The following PTPRK variants were observed in gnomAD, a reference collection of about 807,000 sequenced individuals.
The protein encoded by PTPRK is receptor-type tyrosine-protein phosphatase kappa.
In PTPRK, 75 loss-of-function variants were observed where a neutral mutation model predicts 178.0. The ratio of observed to expected loss-of-function variants is 0.42; its 90% CI spans 0.35 to 0.51. The LOEUF is 0.51. Among genes scored for constraint, PTPRK ranks in the 20% least tolerant of loss-of-function variants. PTPRK has a pLI of 0.02. For missense variants in PTPRK, 1,441 were observed against 1,797.8 expected, an observed-to-expected ratio of 0.80 and a Z score of 3.59; for synonymous variants, 637 against 620.6, an observed-to-expected ratio of 1.03 and a Z score of -0.39.
chr6:128,309,791 G>A (rs577328812), intron 3 of PTPRK, among the ~76,000 whole-genome samples: 4 of 149,360 alleles, frequency 2.7e-5, no homozygotes, highest in South Asian at 4.2e-4. Context: ...TCCTTCTCAT[G>A]GCTAATAAAT....
chr6:128,144,053 C>A (rs974375736), intron 7 of PTPRK, among the ~76,000 whole-genome samples: 14 of 152,180 alleles, frequency 9.2e-5, no homozygotes, highest in Admixed American at 8.5e-4. Context: ...CTTTTAGCAG[C>A]CCAGCTTGAT....
At chr6:128,262,557 C>T (rs1381770814) in intron 3 of PTPRK, among the ~76,000 whole-genome samples, 1 of 151,982 alleles carries the variant, frequency 6.6e-6, no homozygotes, top group Non-Finnish European at 1.5e-5. Context: ...AAACTAGACC[C>T]AACTACAGAG....
chr6:128,090,982 T>C (rs1786825450), intron 7 of PTPRK, among the ~76,000 whole-genome samples: 1 of 152,222 alleles, frequency 6.6e-6, no homozygotes, highest in African/African-American at 2.4e-5. Context: ...AAAGTCTGAC[T>C]TGGGGGCTTT....
At chr6:128,419,606 C>T (rs1299812757) in intron 1 of PTPRK, among the ~76,000 whole-genome samples, 1 of 145,662 alleles carries the variant, frequency 6.9e-6, no homozygotes, top group East Asian at 2.0e-4. Context: ...AGCGAGACTC[C>T]GTCTCAAAAA....
rs190068737 is a variant in PTPRK at position 128,493,487 on chromosome 6, G to A, written c.100+26772C>T. On this transcript the variant is annotated intron_variant, in intron 1 of 29. Transcript: ENST00000368226. ...TGAGGCAGGAGAATGGCGTGAACCC[G>A]GGAGGCAGAGCTTGCAGTGAGCCGA... Among the ~76,000 whole-genome samples, 152 of 151,670 alleles carry A rather than the reference G, an allele frequency of 1.0e-3. 1 individual carries two copies. Among genetic ancestry groups the A allele is most frequent in the Middle Eastern group, 3.4e-3 (1 of 294 alleles).
At chr6:127,994,621 T>C (rs977341822) in intron 18 of PTPRK, among the ~76,000 whole-genome samples, 4 of 151,834 alleles carry the variant, frequency 2.6e-5, no homozygotes, top group African/African-American at 9.7e-5. Flanking sequence ...TATATTGCCC[T>C]TTAAGAATAT....
At chr6:128,203,185 T>A (rs1229171392) in intron 6 of PTPRK, among the ~76,000 whole-genome samples, 1 of 152,150 alleles carries the variant, frequency 6.6e-6, no homozygotes, top group Non-Finnish European at 1.5e-5. Context: ...CACATGATTA[T>A]CGCAATAGAT....
At position 128,005,254 on chromosome 6, in the gene PTPRK, C is replaced by T; in HGVS notation, c.2334-10G>A. 1 of 1,610,454 alleles carries T rather than the reference C, an allele frequency of 6.2e-7. No individual in the cohort carries two copies. Among genetic ancestry groups the T allele is most frequent in the South Asian group, 1.1e-5 (1 of 90,912 alleles). On this transcript the variant is annotated splice_polypyrimidine_tract_variant and intron_variant, in intron 14 of 29. Transcript: ENST00000368226. The stretch of plus-strand genomic sequence containing the variant: ...TTTTTTAGCAAGTTTGCTGCCAAGG[C>T]AAATACAAAAGGGCATCCTTAGTGT...
intron 6 of PTPRK, among the ~76,000 whole-genome samples, chr6:128,217,499 T>C (rs1562808865): frequency 2.6e-5 from 4 of 152,200 alleles, no homozygotes; most frequent in Admixed American, 1.3e-4. Context: ...CTATTCTGGC[T>C]GTCAATCATT....
intron 7 of PTPRK, among the ~76,000 whole-genome samples, chr6:128,114,104 G>A (rs1326921691): frequency 2.0e-5 from 3 of 152,034 alleles, no homozygotes; most frequent in Admixed American, 2.0e-4. Flanking sequence ...TTTGTGGGGT[G>A]TATTCCAGAT....
At chr6:128,319,329 G>A (rs925519586) in intron 3 of PTPRK, among the ~76,000 whole-genome samples, 1 of 151,998 alleles carries the variant, frequency 6.6e-6, no homozygotes, top group East Asian at 1.9e-4. Flanking sequence ...TTCCCATCTG[G>A]ACTAGCCTCC....
At chr6:128,300,868 T>C (rs191218015) in intron 3 of PTPRK, among the ~76,000 whole-genome samples, 1 of 152,016 alleles carries the variant, frequency 6.6e-6, no homozygotes, top group African/African-American at 2.4e-5. Context: ...AATAATAAAA[T>C]AAAATTTAAA....
At chr6:128,142,071 C>T (rs1795848289) in intron 7 of PTPRK, among the ~76,000 whole-genome samples, 1 of 151,838 alleles carries the variant, frequency 6.6e-6, no homozygotes, top group Non-Finnish European at 1.5e-5. Context: ...GTTATATATT[C>T]ACTATGTGCA....
At chr6:128,229,998 A>G (rs1276320779) in intron 5 of PTPRK, among the ~76,000 whole-genome samples, 3 of 152,214 alleles carry the variant, frequency 2.0e-5, no homozygotes, top group Non-Finnish European at 2.9e-5. Context: ...ATAGAATATC[A>G]CAGTTTTCTA....
intron 7 of PTPRK, among the ~76,000 whole-genome samples, chr6:128,178,557 T>C (rs969981609): frequency 3.3e-5 from 5 of 151,910 alleles, no homozygotes; most frequent in Non-Finnish European, 7.4e-5. Context: ...AATCCCCTTA[T>C]AAAAGTAACC....
At chr6:128,360,718 T>C (rs1162841346) in intron 2 of PTPRK, among the ~76,000 whole-genome samples, 1 of 152,158 alleles carries the variant, frequency 6.6e-6, no homozygotes, top group Non-Finnish European at 1.5e-5. Context: ...AACTTTTATA[T>C]GCTTTTAAAT....
Position 128,128,426 on chromosome 6 carries a change from T to A in PTPRK, c.1163-38434A>T, listed in dbSNP as rs1270695308. On this transcript the variant is annotated intron_variant, in intron 7 of 29. Transcript: ENST00000368226. The stretch of plus-strand genomic sequence containing the variant: ...TTCCTCATTGGTTTACCAAAACCAC[T>A]CCTATCCAAATTGCCCTTCAAATGG... Among the ~76,000 whole-genome samples the A allele has an allele frequency of 3.3e-5, 5 of 152,186 alleles. No homozygotes were observed. The East Asian group carries it at 7.7e-4, about 23-fold the overall frequency.
chr6:128,428,233 G>A (rs754469405), intron 1 of PTPRK, among the ~76,000 whole-genome samples: 4 of 152,172 alleles, frequency 2.6e-5, no homozygotes, highest in South Asian at 2.1e-4. Context: ...CGATAAGACC[G>A]AGTCCATTCT....
chr6:128,112,192 A>G (rs1211019220), intron 7 of PTPRK, among the ~76,000 whole-genome samples: 3 of 152,080 alleles, frequency 2.0e-5, no homozygotes, highest in East Asian at 3.9e-4. Flanking sequence ...TTTTTACTAT[A>G]GCATTCTTAA....
Sources: allele counts gnomAD v4.1 joint callset (sites outside exome capture counted in the v4.1 genomes callset), GRCh38; gene constraint gnomAD v4.1.1; transcripts MANE v1.5; gene names NCBI Gene and HGNC (gene_info 2026-07-23, HGNC 2026-07-21).